VCL: variants seen among roughly 807,000 people sequenced by gnomAD.
The protein encoded by VCL is vinculin.
VCL carries 47 observed loss-of-function variants against 125.7 expected under a neutral mutation model. The ratio of observed to expected loss-of-function variants is 0.37; its 90% CI spans 0.30 to 0.48. The LOEUF (loss-of-function observed/expected upper bound fraction) is 0.48, where lower values mean the gene tolerates loss of function less well. Ranked by LOEUF, VCL falls within the 20% of genes least tolerant of loss-of-function variation. VCL has a pLI of 0.99. For missense variants in VCL, 1,069 were observed against 1,455.5 expected (o/e 0.73, Z 4.32); for synonymous variants, 458 against 514.6 (o/e 0.89, Z 1.49).
chr10:74,052,540 C>T (rs897993414), intron 2 of VCL, among the ~76,000 whole-genome samples: 1 of 151,922 alleles, frequency 6.6e-6, no homozygotes, highest in African/African-American at 2.4e-5. Context: ...CTACTCCCAG[C>T]TGATTTTTTG....
At chr10:74,086,349 T>C (rs1184706601) in intron 8 of VCL, among the ~76,000 whole-genome samples, 2 of 152,248 alleles carry the variant, frequency 1.3e-5, no homozygotes, top group African/African-American at 4.8e-5. Flanking sequence ...GACTTTCAGG[T>C]TGCGTCTCTA....
chr10:74,088,320 T>C (rs1217681855), intron 8 of VCL, among the ~76,000 whole-genome samples: 2 of 152,210 alleles, frequency 1.3e-5, no homozygotes, highest in African/African-American at 4.8e-5. Context: ...TTAGTAGTAA[T>C]AGCATATCAT....
chr10:74,010,659 A>C (rs935412909), intron 1 of VCL, among the ~76,000 whole-genome samples: 2 of 151,776 alleles, frequency 1.3e-5, no homozygotes, highest in African/African-American at 2.4e-5. Flanking sequence ...AAAAAAAAAA[A>C]CAAACAAAAA....
rs1840245322 is a variant in VCL, at chr10:74,002,508, CAGGGAAGG to C, written c.168+4134_168+4141del. ...ACGAGATTACTTTTGATTGGAGAATCAGGGAAGGCTTCACAGAGGATATAACATTGAGT... is the reference window on the plus strand; with the variant it reads ...ACGAGATTACTTTTGATTGGAGAATCCTTCACAGAGGATATAACATTGAGT... On this transcript the variant is annotated intron_variant, in intron 1 of 21. Transcript: ENST00000211998. 3.3e-5 allele frequency among the ~76,000 whole-genome samples: 5 copies of C among 152,210 alleles called. No individual in the cohort carries two copies. The South Asian group carries it at 1.0e-3, about 32-fold the overall frequency.
chr10:74,102,373 C>T (rs1312557097), intron 14 of VCL, among the ~76,000 whole-genome samples: 2 of 151,868 alleles, frequency 1.3e-5, no homozygotes, highest in Admixed American at 6.6e-5. Flanking sequence ...TAAAAGTTTA[C>T]TATGTGATAG....
rs143756084 is a variant in VCL at position 74,103,800 on chromosome 10, A to G, written c.2023-20A>G. ...AGAGCAAGGGTGCTCTGGTGTTTAA[A>G]GGTGTTTTGTCATTGTCAGGTGGTC... On this transcript the variant is annotated intron_variant, in intron 14 of 21. Transcript: ENST00000211998. 3.9e-4 allele frequency: 626 copies of G among 1,610,178 alleles called. 2 individuals carry two copies. The African/African-American group carries it at 7.6e-3, about 20-fold the overall frequency.
At chr10:74,026,823 G>A (rs748767681) in intron 1 of VCL, among the ~76,000 whole-genome samples, 1 of 152,294 alleles carries the variant, frequency 6.6e-6, no homozygotes, top group Non-Finnish European at 1.5e-5. Flanking sequence ...CAAAGCCCCA[G>A]TTCTTTTTCC....
chr10:74,084,046 T>A (rs1482220766), intron 8 of VCL, among the ~76,000 whole-genome samples: 1 of 152,176 alleles, frequency 6.6e-6, no homozygotes, highest in East Asian at 1.9e-4. Context: ...TTTGTATTTT[T>A]AGTACAGACG....
Position 74,084,169 on chromosome 10 carries a change from C to T in VCL, c.1022+656C>T, listed in dbSNP as rs145125854. On this transcript the variant is annotated intron_variant, in intron 8 of 21. Coordinates refer to ENST00000211998, the MANE Select transcript of VCL (RefSeq NM_014000.3). ...AGTGAGCCACTGTGCCCGGCCACAC[C>T]TGGCTAATTTTTGTATTTTTAGTAG... is the stretch of plus-strand genomic sequence containing the variant. Among the ~76,000 whole-genome samples, 304 of 152,108 alleles carry T rather than the reference C, an allele frequency of 2.0e-3. 9 individuals carry two copies. The East Asian group carries it at 0.05, about 25-fold the overall frequency.
chr10:74,096,165 T>A (rs995505806), intron 12 of VCL, among the ~76,000 whole-genome samples: 1 of 151,732 alleles, frequency 6.6e-6, no homozygotes, highest in African/African-American at 2.4e-5. Context: ...TTTTTTTTTT[T>A]AAATGGACTT....
chr10:74,021,683 A>G (rs2136233954), intron 1 of VCL, among the ~76,000 whole-genome samples: 1 of 152,320 alleles, frequency 6.6e-6, no homozygotes, highest in East Asian at 1.9e-4. Flanking sequence ...AAGCTTCTGT[A>G]AAAAGGCAAA....
At chr10:74,025,574 A>T (rs1384844062) in intron 1 of VCL, among the ~76,000 whole-genome samples, 1 of 150,566 alleles carries the variant, frequency 6.6e-6, no homozygotes, top group Non-Finnish European at 1.5e-5. Flanking sequence ...AGATTGCCCC[A>T]CTGCAGTCCA....
intron 2 of VCL, among the ~76,000 whole-genome samples, chr10:74,052,426 G>C (rs1419376815): frequency 1.4e-5 from 2 of 143,522 alleles, no homozygotes; most frequent in Non-Finnish European, 3.0e-5. Context: ...GCACAAGTTG[G>C]AGTGCAGTAG....
intron 20 of VCL, 93 bp from the exon 21 acceptor site, chr10:74,114,702 C>T: frequency 7.4e-7 from 1 of 1,344,806 alleles, no homozygotes; most frequent in Non-Finnish European, 1.0e-6. Flanking sequence ...TCTGTGCCAG[C>T]CACTGGGAAT....
rs751634052 is a variant in VCL at position 74,094,367 on chromosome 10, C to T, written c.1449C>T (p.Asn483=). 8 of 1,614,072 alleles carry T rather than the reference C, an allele frequency of 5.0e-6. No homozygotes were observed. The highest frequency in any genetic ancestry group is 6.8e-6 in the Non-Finnish European group (8 of 1,180,042). Residue 483 remains asparagine, a synonymous_variant, in exon 11 of 22, where the codon AAC becomes AAT. Transcript: ENST00000211998. ...LQTKTNRAVA[N]SRPAKAAVHL... is the part of the protein sequence containing the mutation. ...CCAAAACCAACCGGGCTGTGGCCAA[C>T]AGCAGACCGGCCAAAGCAGCTGTAC...
At chr10:74,090,241 CTCTT>C in intron 10 of VCL, 43 bp downstream of exon 10, 2 of 1,603,150 alleles carry the variant, frequency 1.2e-6, no homozygotes, top group South Asian at 2.2e-5. Flanking sequence ...ATCTTTTCTT[CTCTT>C]TCTCTCTCCC....
At chr10:74,058,571 C>A (rs984878093) in intron 2 of VCL, among the ~76,000 whole-genome samples, 4 of 150,834 alleles carry the variant, frequency 2.7e-5, no homozygotes, top group Non-Finnish European at 4.4e-5. Context: ...ATATGAGTTA[C>A]TTCCACTCCT....
intron 1 of VCL, among the ~76,000 whole-genome samples, chr10:74,004,902 A>G (rs1045152999): frequency 3.3e-5 from 5 of 151,902 alleles, no homozygotes; most frequent in Non-Finnish European, 5.9e-5. Flanking sequence ...ACTAGGTTTC[A>G]CCATGTTGGC....
chr10:74,054,226 A>G (rs898329850), intron 2 of VCL, among the ~76,000 whole-genome samples: 1 of 152,226 alleles, frequency 6.6e-6, no homozygotes, highest in Non-Finnish European at 1.5e-5. Context: ...TGATTGATAT[A>G]TGTTAAAAAT....
Sources: gnomAD v4.1 joint callset for allele counts (sites outside exome capture counted in the v4.1 genomes callset) on GRCh38, gnomAD v4.1.1 for gene constraint, MANE v1.5 for transcripts, NCBI Gene and HGNC (gene_info 2026-07-23, HGNC 2026-07-21) for gene names.